The following HCN1 variants were observed in gnomAD, a reference collection of about 807,000 sequenced individuals.
HCN1 encodes potassium/sodium hyperpolarization-activated cyclic nucleotide-gated channel 1.
A neutral mutation model predicts 78.9 loss-of-function variants in HCN1; 13 were observed. The observed-to-expected ratio is 0.16, with a 90% confidence interval of 0.11 to 0.26. HCN1 has a LOEUF of 0.26. Among genes scored for constraint, HCN1 ranks in the 10% least tolerant of loss-of-function variants. The probability of loss-of-function intolerance (pLI) is 1.00; values close to 1 mark genes in which losing one functional copy is unlikely to be tolerated. For synonymous variants in HCN1, 552 were observed against 455.5 expected, an observed-to-expected ratio of 1.21 and a Z score of -2.70; for missense variants, 810 against 1,154.3, an observed-to-expected ratio of 0.70 and a Z score of 4.32.
At chr5:45,296,721 A>G (rs561179105) in intron 6 of HCN1, among the ~76,000 whole-genome samples, 6 of 152,086 alleles carry the variant, frequency 3.9e-5, no homozygotes, top group African/African-American at 1.4e-4. Flanking sequence ...CTGACCAAGA[A>G]AAAAGAACGT....
intron 6 of HCN1, among the ~76,000 whole-genome samples, chr5:45,276,351 A>T (rs1019513614): frequency 6.6e-5 from 10 of 152,108 alleles, no homozygotes; most frequent in African/African-American, 1.2e-4. Context: ...TATGTATGGG[A>T]ATCACCTGGG....
chr5:45,290,439 G>T (rs1203140082), intron 6 of HCN1, among the ~76,000 whole-genome samples: 1 of 151,870 alleles, frequency 6.6e-6, no homozygotes, highest in African/African-American at 2.4e-5. Flanking sequence ...TAAACATTCA[G>T]TCCTTAAAAA....
chr5:45,411,187 A>T (rs1490654000), intron 3 of HCN1, among the ~76,000 whole-genome samples: 2 of 152,064 alleles, frequency 1.3e-5, no homozygotes. Flanking sequence ...GGGGAGAGAG[A>T]CAGAGAGAGA....
At chr5:45,477,741 G>C (rs1741548797) in intron 2 of HCN1, among the ~76,000 whole-genome samples, 1 of 151,852 alleles carries the variant, frequency 6.6e-6, no homozygotes, top group Non-Finnish European at 1.5e-5. Flanking sequence ...CACCCAAATA[G>C]AAAATAATGT....
intron 4 of HCN1, among the ~76,000 whole-genome samples, chr5:45,369,753 T>C (rs989368500): frequency 6.6e-6 from 1 of 152,128 alleles, no homozygotes; most frequent in African/African-American, 2.4e-5. Flanking sequence ...TATCACTGCA[T>C]TGTAGTTTTA....
chr5:45,500,588 A>T (rs1742167438), intron 2 of HCN1, among the ~76,000 whole-genome samples: 1 of 152,210 alleles, frequency 6.6e-6, no homozygotes, highest in South Asian at 2.1e-4. Flanking sequence ...ATTTTACAAT[A>T]TAGTTTAAAT....
chr5:45,601,919 CCA>C (rs1744632737), intron 2 of HCN1, among the ~76,000 whole-genome samples: 1 of 152,024 alleles, frequency 6.6e-6, no homozygotes, highest in Admixed American at 6.6e-5. Flanking sequence ...CCCATAATCC[CCA>C]GTGTTGTGGG....
intron 4 of HCN1, among the ~76,000 whole-genome samples, chr5:45,380,786 AATCGTTTT>A (rs1747793194): frequency 1.3e-5 from 2 of 152,146 alleles, no homozygotes; most frequent in African/African-American, 2.4e-5. Flanking sequence ...ACTATAAGGA[AATCGTTTT>A]ATTATTTACA....
intron 2 of HCN1, among the ~76,000 whole-genome samples, chr5:45,470,786 C>T (rs968687821): frequency 3.3e-5 from 5 of 151,946 alleles, no homozygotes; most frequent in East Asian, 1.9e-4. Context: ...GGGTTCACCA[C>T]GGCTTATGAC....
intron 1 of HCN1, among the ~76,000 whole-genome samples, chr5:45,657,555 G>T (rs1681982951): frequency 6.6e-6 from 1 of 152,128 alleles, no homozygotes; most frequent in Admixed American, 6.5e-5. Flanking sequence ...CTGCAAAAAG[G>T]TTTTGTAATT....
chr5:45,687,077 T>C (rs1369098313), intron 1 of HCN1, among the ~76,000 whole-genome samples: 1 of 152,238 alleles, frequency 6.6e-6, no homozygotes, highest in Non-Finnish European at 1.5e-5. Flanking sequence ...TGGAGATTAC[T>C]TTCTCTCAGA....
rs192165468 is a variant in HCN1 at position 45,571,451 on chromosome 5, G to C, written c.849+73734C>G. Among the ~76,000 whole-genome samples the C allele has an allele frequency of 3.7e-4, 56 of 152,162 alleles. 1 individual carries two copies. The highest frequency in any genetic ancestry group is 3.1e-3 in the Admixed American group (48 of 15,254). On this transcript the variant is annotated intron_variant, in intron 2 of 7. Coordinates refer to ENST00000303230, the MANE Select transcript of HCN1 (RefSeq NM_021072.4). ...AGTTGCTATACCATATTGTGACTTG[G>C]GGCAAGATAGATGAAACGCCAAAAT...
chr5:45,323,265 T>C (rs1251568063), intron 5 of HCN1, among the ~76,000 whole-genome samples: 1 of 151,920 alleles, frequency 6.6e-6, no homozygotes, highest in Non-Finnish European at 1.5e-5. Context: ...ATCTCACGAA[T>C]GATGTTCTTA....
intron 1 of HCN1, among the ~76,000 whole-genome samples, chr5:45,658,632 C>A (rs1745843011): frequency 2.0e-5 from 3 of 151,612 alleles, no homozygotes; most frequent in Admixed American, 2.0e-4. Context: ...CGAGGCATTG[C>A]CTCACCTGGG....
At chr5:45,365,770 TTTAC>T (rs1042982429) in intron 4 of HCN1, among the ~76,000 whole-genome samples, 1 of 151,872 alleles carries the variant, frequency 6.6e-6, no homozygotes, top group African/African-American at 2.4e-5. Context: ...TCCATATCGT[TTTAC>T]TTATTTTTTT....
chr5:45,687,765 A>C (rs1739836716), intron 1 of HCN1, among the ~76,000 whole-genome samples: 1 of 152,144 alleles, frequency 6.6e-6, no homozygotes, highest in African/African-American at 2.4e-5. Flanking sequence ...TGCCATACCA[A>C]AAATATAATC....
At chr5:45,388,580 G>A (rs1359899036) in intron 4 of HCN1, among the ~76,000 whole-genome samples, 2 of 152,108 alleles carry the variant, frequency 1.3e-5, no homozygotes, top group Non-Finnish European at 2.9e-5. Flanking sequence ...AGAAACTCAG[G>A]AAATGTGGCC....
chr5:45,541,509 C>T (rs137964392), intron 2 of HCN1, among the ~76,000 whole-genome samples: 2 of 152,144 alleles, frequency 1.3e-5, no homozygotes, highest in Non-Finnish European at 2.9e-5. Context: ...TGTGTTCTTT[C>T]ATTGAATCTT....
chr5:45,392,583 C>T (rs12332696), intron 4 of HCN1, among the ~76,000 whole-genome samples: 49,244 of 151,744 alleles, frequency 0.32, 10,332 homozygotes, highest in African/African-American at 0.58. Context: ...ATGCCTGTAA[C>T]CCTAGCACTT....
Sources: allele counts gnomAD v4.1 joint callset (sites outside exome capture counted in the v4.1 genomes callset), GRCh38; gene constraint gnomAD v4.1.1; transcripts MANE v1.5; gene names NCBI Gene and HGNC (gene_info 2026-07-23, HGNC 2026-07-21).